Variants in PCDHGB7 observed in about 807,000 individuals in gnomAD.
The protein encoded by PCDHGB7 is protocadherin gamma-B7.
In PCDHGB7, 37 loss-of-function variants were observed where a neutral mutation model predicts 61.4. The observed-to-expected ratio is 0.60, with a 90% CI of 0.46 to 0.79. The LOEUF is 0.79. Among genes scored for constraint, PCDHGB7 ranks in the 30% least tolerant of loss-of-function variants. The pLI is 0.00. For missense variants in PCDHGB7, 1,166 were observed against 1,202.5 expected (o/e 0.97, Z 0.45); for synonymous variants, 464 against 503.5 (o/e 0.92, Z 1.05).
intron 1 of PCDHGB7, chr5:141,430,525 G>C (rs1354801907): frequency 3.3e-5 from 12 of 365,842 alleles, no homozygotes; most frequent in Admixed American, 1.3e-4. Context: ...GCAGTAATTG[G>C]TTAGGACTCT....
intron 1 of PCDHGB7, chr5:141,475,937 C>G (rs970582600): frequency 2.8e-5 from 19 of 676,764 alleles, no homozygotes; most frequent in African/African-American, 1.8e-4. Context: ...GGCCCCTGCC[C>G]GTCCCCTTTC....
chr5:141,420,525 C>T (rs895355117), intron 1 of PCDHGB7: 2 of 358,086 alleles, frequency 5.6e-6, no homozygotes, highest in South Asian at 2.1e-4. Flanking sequence ...AAATACCTTT[C>T]GGTTAAAAAT....
chr5:141,475,343 G>C (rs1425482944), intron 1 of PCDHGB7, among the ~76,000 whole-genome samples: 3 of 152,178 alleles, frequency 2.0e-5, no homozygotes, highest in Non-Finnish European at 2.9e-5. Context: ...ATGACATCCA[G>C]TTTTAAAAGA....
intron 1 of PCDHGB7, among the ~76,000 whole-genome samples, chr5:141,472,042 T>C (rs2099270232): frequency 2.0e-5 from 3 of 152,146 alleles, no homozygotes; most frequent in African/African-American, 7.2e-5. Context: ...TGTGAAAAGA[T>C]TTTAAAAATG....
In PCDHGB7 at chr5:141,418,929, T is replaced by A; in HGVS notation, c.1070T>A (p.Met357Lys). 6.2e-7 allele frequency: 1 copy of A among 1,614,034 alleles called. No individual in the cohort carries two copies. The highest frequency in any genetic ancestry group is 8.5e-7 in the Non-Finnish European group (1 of 1,179,886). Residue 357 changes from methionine to lysine, a missense_variant, in exon 1 of 4, where the codon ATG becomes AAG. Met to Lys is a moderately conservative substitution (Grantham distance 95, BLOSUM62 -1). Coordinates refer to ENST00000398594, the MANE Select transcript of PCDHGB7 (RefSeq NM_018927.4). ...ATCACGTCACTCTCTGATCAGATTA[T>A]GGAGGATTCCCCTCCAGGAGTGGTT... is the stretch of plus-strand genomic sequence containing the variant. ...IIITSLSDQI[M>K]EDSPPGVVVA...
intron 1 of PCDHGB7, chr5:141,440,761 C>T (rs2098198732): frequency 6.6e-6 from 1 of 152,172 alleles, no homozygotes; most frequent in African/African-American, 2.4e-5. Context: ...GCAGAGCTCC[C>T]ATCCCTTAGT....
At chr5:141,497,307 C>T (rs1295364802) in intron 2 of PCDHGB7, among the ~76,000 whole-genome samples, 1 of 152,096 alleles carries the variant, frequency 6.6e-6, no homozygotes, top group Non-Finnish European at 1.5e-5. Flanking sequence ...CCAGGCCATA[C>T]ACTGGCTTTG....
chr5:141,427,703 C>A (rs529490424), intron 1 of PCDHGB7: 2 of 957,514 alleles, frequency 2.1e-6, no homozygotes, highest in African/African-American at 1.6e-5. Flanking sequence ...CACAAGTCAG[C>A]GCCTCTGACC....
intron 3 of PCDHGB7, among the ~76,000 whole-genome samples, chr5:141,506,441 T>C (rs1940889203): frequency 9.8e-6 from 1 of 101,930 alleles, no homozygotes; most frequent in South Asian, 3.0e-4. Flanking sequence ...TCTCGCTCTG[T>C]CTCAAAAAAA....
rs762408704 is a variant in PCDHGB7 at position 141,486,335 on chromosome 5, C to G, written c.2416-8472C>G. 6.2e-7 allele frequency: 1 copy of G among 1,613,936 alleles called. No individual in the cohort carries two copies. The highest frequency in any genetic ancestry group is 8.5e-7 in the Non-Finnish European group (1 of 1,180,002). ...AGGGTCAAACGGAGATGTGAGCCTC[C>G]GCATTCCTGACCACTTGCCATTTGC... On this transcript the variant is annotated intron_variant, in intron 1 of 3. Transcript: ENST00000398594. This position sits in a 1 kb window ranked among gnomAD's most constrained non-coding sequence, Gnocchi z 5.0.
In PCDHGB7 at chr5:141,432,752, G is replaced by C. The variant is rs1407361813; in HGVS notation, c.2415+12478G>C. On this transcript the variant is annotated intron_variant, in intron 1 of 3. Coordinates refer to ENST00000398594, the MANE Select transcript of PCDHGB7 (RefSeq NM_018927.4). The surrounding 1 kb of genome is among the most constrained non-coding windows in gnomAD (Gnocchi z 6.0). Reference sequence around the variant, plus strand: ...CACTGTCACGCTCACCGTGGCCGTGGCCGACAGCATCCCCCAAGTCCTGGC... The same window carrying C: ...CACTGTCACGCTCACCGTGGCCGTGCCCGACAGCATCCCCCAAGTCCTGGC... 9.3e-6 allele frequency: 15 copies of C among 1,614,024 alleles called. No individual in the cohort carries two copies. The highest frequency in any genetic ancestry group is 1.3e-5 in the Non-Finnish European group (15 of 1,180,008).
chr5:141,497,986 G>T (rs1404550601), intron 2 of PCDHGB7, among the ~76,000 whole-genome samples: 1 of 152,176 alleles, frequency 6.6e-6, no homozygotes, highest in Non-Finnish European at 1.5e-5. Context: ...GGAGGCCCCT[G>T]CCCTCAAGGA....
rs2154584583 is a variant in PCDHGB7, at chr5:141,490,717, A to G, written c.2416-4090A>G. The G allele has an allele frequency of 6.2e-7, 1 of 1,613,972 alleles. No individual in the cohort carries two copies. Among genetic ancestry groups the G allele is most frequent in the Non-Finnish European group, 8.5e-7 (1 of 1,179,936 alleles). On this transcript the variant is annotated intron_variant, in intron 1 of 3. Coordinates refer to ENST00000398594, the MANE Select transcript of PCDHGB7 (RefSeq NM_018927.4). The surrounding 1 kb of genome is among the most constrained non-coding windows in gnomAD (Gnocchi z 5.4). ...GGATAATGCCCGCCTCACCTACTCC[A>G]TTGTAGGAAATCAGGTTCAGGGAGC...
chr5:141,435,026 C>A (rs977017371), intron 1 of PCDHGB7, among the ~76,000 whole-genome samples: 4 of 151,978 alleles, frequency 2.6e-5, no homozygotes, highest in Non-Finnish European at 5.9e-5. Context: ...GCTCTTTTCC[C>A]ACTTTTATTT....
At chr5:141,509,136 C>T (rs1217992935) in intron 3 of PCDHGB7, among the ~76,000 whole-genome samples, 1 of 152,142 alleles carries the variant, frequency 6.6e-6, no homozygotes, top group Non-Finnish European at 1.5e-5. Context: ...AAAACCGAGG[C>T]GCATCCCGGC....
intron 2 of PCDHGB7, among the ~76,000 whole-genome samples, chr5:141,503,688 T>A (rs2099828724): frequency 6.6e-6 from 1 of 152,042 alleles, no homozygotes; most frequent in African/African-American, 2.4e-5. Context: ...GGAAGGAGAA[T>A]TGAGATTCCT....
intron 1 of PCDHGB7, chr5:141,424,126 G>C: frequency 9.3e-6 from 5 of 538,222 alleles, no homozygotes; most frequent in Non-Finnish European, 1.2e-5. Flanking sequence ...TGATCCTGTT[G>C]ATTTAATAGC....
intron 1 of PCDHGB7, chr5:141,427,995 G>T (rs1292989797): frequency 6.3e-7 from 1 of 1,599,590 alleles, no homozygotes; most frequent in Non-Finnish European, 8.6e-7. Flanking sequence ...CGATGGCTCC[G>T]CACTCTTCGA....
chr5:141,436,121 C>T (rs2097796819), intron 1 of PCDHGB7, among the ~76,000 whole-genome samples: 1 of 152,154 alleles, frequency 6.6e-6, no homozygotes, highest in Admixed American at 6.5e-5. Context: ...AAACCTCTCT[C>T]CTCCATCATC....
Sources: gnomAD v4.1 joint callset for allele counts (sites outside exome capture counted in the v4.1 genomes callset) on GRCh38, gnomAD v4.1.1 for gene constraint, Gnocchi (gnomAD v3.1) non-coding constraint, MANE v1.5 for transcripts, NCBI Gene and HGNC (gene_info 2026-07-23, HGNC 2026-07-21) for gene names.